The following FANCA variants were observed in gnomAD, a reference collection of about 807,000 sequenced individuals.
FANCA encodes the protein FA complementation group A.
In FANCA, 236 loss-of-function variants were observed where a neutral mutation model predicts 194.3. That is an observed-to-expected ratio of 1.21 (90% CI 1.09 to 1.35). The LOEUF is 1.35. FANCA is among the 40% of genes most tolerant of loss of function. The pLI is 0.00. For missense variants in FANCA, 2,628 were observed against 1,813.9 expected (o/e 1.45, Z -8.15); for synonymous variants, 1,014 against 715.8 (o/e 1.42, Z -6.65).
rs2061981508 is a variant in FANCA, at chr16:89,737,631, GCAGTTTAAAGATCTTAATAAACGA to G, written c.*946_*969del. On this transcript the variant is annotated 3_prime_UTR_variant, in exon 43 of 43. Transcript: ENST00000389301. ...ATGAAGCCACGTGACAGTGTATAAA[GCAGTTTAAAGATCTTAATAAACGA>G]GGCCCTCATAGGCCCCTTGCTTGGG... The G allele has an allele frequency of 8.0e-7, 1 of 1,252,510 alleles. No individual in the cohort carries two copies. Among genetic ancestry groups the G allele is most frequent in the African/African-American group, 1.5e-5 (1 of 66,026 alleles). 77.6% of individuals were successfully genotyped at this position (1,252,510 alleles called of 1,614,324 possible).
intron 14 of FANCA, chr16:89,791,148 G>A: frequency 3.6e-6 from 2 of 549,374 alleles, no homozygotes; most frequent in Non-Finnish European, 6.5e-6. Context: ...ACAGAAACCA[G>A]GGGAAGGAGC....
chr16:89,740,695 A>C, intron 38 of FANCA, 109 bp downstream of exon 38: 1 of 860,352 alleles, frequency 1.2e-6, no homozygotes, highest in Non-Finnish European at 1.9e-6. Context: ...CCGCAAACAC[A>C]AGGAGCTCCT....
In FANCA at chr16:89,758,611, T is replaced by C. The variant is rs375312389; in HGVS notation, c.2947A>G (p.Ile983Val). ...AAATCCATCAGTGCGTTGACAAGAA[T>C]GGTACACGCAGCCTGCAGGTCTCCG... Reference protein sequence around the residue: ...CDGDLQAACTILVNALMDFHQ... With the variant: ...CDGDLQAACTVLVNALMDFHQ... The change falls in exon 30 of 43, where the codon ATT becomes GTT. Residue 983 changes from isoleucine to valine, a missense_variant. Coordinates refer to ENST00000389301, the MANE Select transcript of FANCA (RefSeq NM_000135.4). 2 of 1,613,994 alleles carry C rather than the reference T, an allele frequency of 1.2e-6. No individual in the cohort carries two copies. The highest frequency in any genetic ancestry group is 2.2e-5 in the East Asian group (1 of 44,868).
intron 8 of FANCA, among the ~76,000 whole-genome samples, chr16:89,801,373 TA>T (rs1461972768): frequency 2.0e-5 from 3 of 147,330 alleles, no homozygotes; most frequent in Admixed American, 6.8e-5. Flanking sequence ...CCAATGTCAC[TA>T]ATCATCAGGG....
At chr16:89,784,501 G>A (rs1018330965) in intron 15 of FANCA, among the ~76,000 whole-genome samples, 1 of 151,160 alleles carries the variant, frequency 6.6e-6, no homozygotes, top group African/African-American at 2.4e-5. Context: ...GTAACTGGGT[G>A]CTGAGAACGT....
At chr16:89,782,983 A>G in intron 16 of FANCA, 24 bp downstream of exon 16, 1 of 1,612,546 alleles carries the variant, frequency 6.2e-7, no homozygotes, top group Non-Finnish European at 8.5e-7. Context: ...AGGTGTGAGG[A>G]GTGGGCATGG....
At chr16:89,770,053 G>C (rs375382296) in intron 25 of FANCA, 29 bp from the exon 26 acceptor site, 278 of 1,608,052 alleles carry the variant, frequency 1.7e-4, no homozygotes, top group Non-Finnish European at 2.3e-4. Context: ...TGGCAGAGCA[G>C]ACTGCCCTCT....
chr16:89,810,575 T>C, intron 5 of FANCA, 132 bp downstream of exon 5: 1 of 738,668 alleles, frequency 1.4e-6, no homozygotes, highest in South Asian at 1.5e-5. Context: ...AAACCCTTTT[T>C]CATCCACTCT....
chr16:89,752,182 A>T lies in FANCA; in HGVS notation c.3022T>A (p.Phe1008Ile). Residue 1008 changes from phenylalanine (F) to isoleucine (I), a missense_variant, in exon 31 of 43, where the codon TTT becomes ATT. Phe to Ile is a conservative substitution (Grantham distance 21). Coordinates refer to ENST00000389301, the MANE Select transcript of FANCA (RefSeq NM_000135.4). ...YDHSENSDLV[F>I]GGRTGNEDII... ...TCCTCATTTCCTGTGCGGCCACCAAAGACCAAATCAGAATTTTCTGAGTGG... is the reference window on the plus strand; with the variant it reads ...TCCTCATTTCCTGTGCGGCCACCAATGACCAAATCAGAATTTTCTGAGTGG... 1 of 1,614,186 alleles carries T rather than the reference A, an allele frequency of 6.2e-7. No homozygotes were observed. The highest frequency in any genetic ancestry group is 1.1e-5 in the South Asian group (1 of 91,086).
At chr16:89,780,373 G>C (rs1446877267) in intron 17 of FANCA, among the ~76,000 whole-genome samples, 8 of 152,148 alleles carry the variant, frequency 5.3e-5, no homozygotes, top group Non-Finnish European at 1.0e-4. Context: ...TATAAACGCA[G>C]TGCTTTGAGA....
intron 1 of FANCA, 157 bp downstream of exon 1, chr16:89,816,380 C>T: frequency 2.0e-6 from 1 of 490,716 alleles, no homozygotes; most frequent in Non-Finnish European, 3.1e-6. Flanking sequence ...CCGAGGCAGC[C>T]GCGCCGCCCC....
At chr16:89,751,207 AAG>A (rs2038577515) in intron 31 of FANCA, among the ~76,000 whole-genome samples, 1 of 152,086 alleles carries the variant, frequency 6.6e-6, no homozygotes, top group Non-Finnish European at 1.5e-5. Flanking sequence ...GTATTTTTTA[AAG>A]AAGAATAAAG....
chr16:89,775,810 T>C lies in FANCA; in HGVS notation c.1832A>G (p.Asp611Gly). 6.2e-7 allele frequency: 1 copy of C among 1,610,590 alleles called. No individual in the cohort carries two copies. The highest frequency in any genetic ancestry group is 8.5e-7 in the Non-Finnish European group (1 of 1,177,740). ...VAFIESLKRADKIPPSLYSTY... is the reference protein window; with the variant it reads ...VAFIESLKRAGKIPPSLYSTY... ...GGAGTACAGAGATGGGGGGATTTTA[T>C]CTGCTCTGGATCACAGGAAAACAAT... Residue 611 changes from aspartate (D) to glycine (G), a missense_variant, in exon 21 of 43, where the codon GAT becomes GGT. Asp to Gly is a moderately conservative substitution (Grantham distance 94). Coordinates refer to ENST00000389301, the MANE Select transcript of FANCA (RefSeq NM_000135.4).
At position 89,814,615 on chromosome 16, in the gene FANCA, TA is replaced by T; in HGVS notation, c.190-3del. On this transcript the variant is annotated splice_polypyrimidine_tract_variant and splice_region_variant and intron_variant, in intron 2 of 42. Transcript: ENST00000389301. ...TTTTTTACACAGTGGACCTTCTACC[TA>T]GAATCCAAAACACAACAAACTCCAT... 6.2e-7 allele frequency: 1 copy of T among 1,610,222 alleles called. No homozygotes were observed. Among genetic ancestry groups the T allele is most frequent in the South Asian group, 1.1e-5 (1 of 91,010 alleles).
chr16:89,773,049 T>C (rs892761746), intron 22 of FANCA, among the ~76,000 whole-genome samples: 1 of 152,156 alleles, frequency 6.6e-6, no homozygotes, highest in Admixed American at 6.5e-5. Context: ...TAGCCGAATA[T>C]TCACCTTCTG....
intron 33 of FANCA, among the ~76,000 whole-genome samples, 168 bp from the exon 34 acceptor site, chr16:89,747,058 C>A (rs1238520583): frequency 6.6e-6 from 1 of 152,190 alleles, no homozygotes; most frequent in East Asian, 1.9e-4. Context: ...CCTGGCTGTG[C>A]TGTCCTGAAA....
intron 14 of FANCA, 48 bp downstream of exon 14, chr16:89,791,355 C>A (rs576331420): frequency 6.2e-6 from 10 of 1,605,706 alleles, no homozygotes; most frequent in East Asian, 4.5e-5. Flanking sequence ...CACTCCCAGG[C>A]CTTCTGGGAA....
intron 22 of FANCA, 101 bp from the exon 23 acceptor site, chr16:89,771,915 A>C: frequency 7.2e-7 from 1 of 1,387,740 alleles, no homozygotes; most frequent in South Asian, 1.2e-5. Context: ...GATTCCACGG[A>C]TCCTGCTGAC....
chr16:89,751,360 C>T (rs892790519), intron 31 of FANCA, among the ~76,000 whole-genome samples: 1 of 152,080 alleles, frequency 6.6e-6, no homozygotes, highest in Non-Finnish European at 1.5e-5. Context: ...GGTGTGGTGG[C>T]GCACACAGGT....
Sources: gnomAD v4.1 joint callset for allele counts (sites outside exome capture counted in the v4.1 genomes callset) on GRCh38, gnomAD v4.1.1 for gene constraint, MANE v1.5 for transcripts, NCBI Gene and HGNC (gene_info 2026-07-23, HGNC 2026-07-21) for gene names.